Variants in RPS6KA4 observed in about 807,000 individuals in gnomAD.
RPS6KA4 encodes ribosomal protein S6 kinase alpha-4.
RPS6KA4 carries 38 observed loss-of-function variants against 89.6 expected under a neutral mutation model. That is an observed-to-expected ratio of 0.42 (90% CI 0.33 to 0.56). The LOEUF is 0.56. Ranked by LOEUF, RPS6KA4 falls within the 20% of genes least tolerant of loss-of-function variation. The pLI, the probability that RPS6KA4 is intolerant of heterozygous loss-of-function variation, is 0.07. For synonymous variants in RPS6KA4, 495 were observed against 492.8 expected (o/e 1.00, Z -0.06); for missense variants, 873 against 1,098.8 (o/e 0.79, Z 2.90).
chr11:64,359,584 C>T (rs2135323167), intron 2 of RPS6KA4, 135 bp downstream of exon 2: 3 of 863,430 alleles, frequency 3.5e-6, no homozygotes, highest in Non-Finnish European at 1.8e-6. Context: ...TTGCCTGCCC[C>T]GCCCTGCCTC....
In RPS6KA4 at chr11:64,370,512, G is replaced by A. The variant is rs1480639409; in HGVS notation, c.1958-51G>A. The A allele has an allele frequency of 6.3e-7, 1 of 1,594,218 alleles. No homozygotes were observed. The highest frequency in any genetic ancestry group is 2.3e-5 in the East Asian group (1 of 44,310). On this transcript the variant is annotated intron_variant, in intron 15 of 16. Coordinates refer to ENST00000334205, the MANE Select transcript of RPS6KA4 (RefSeq NM_003942.3). The surrounding 1 kb of genome is among the most constrained non-coding windows in gnomAD (Gnocchi z 4.1). The stretch of plus-strand genomic sequence containing the variant: ...GTGGGGCTGTTACGATCTCTTTGGG[G>A]CTCAGCCTTTACGCCAGGCTCCTCC...
At chr11:64,368,833 A>C in intron 12 of RPS6KA4, 36 bp downstream of exon 12, 5 of 1,029,316 alleles carry the variant, frequency 4.9e-6, no homozygotes, top group Non-Finnish European at 6.6e-6. Flanking sequence ...CGGAGAGAAA[A>C]GGGGCAGGCG....
In RPS6KA4 at chr11:64,371,251, G is replaced by A. The variant is rs755879028; in HGVS notation, c.2122-32G>A. On this transcript the variant is annotated intron_variant, in intron 16 of 16. Coordinates refer to ENST00000334205, the MANE Select transcript of RPS6KA4 (RefSeq NM_003942.3). The stretch of plus-strand genomic sequence containing the variant: ...GATCTGGAAGCCGGGGTCAGGCGGG[G>A]GTGGGGGCACTCACCCTTTCCTTTC... 122 of 1,604,734 alleles carry A rather than the reference G, an allele frequency of 7.6e-5. No homozygotes were observed. The Admixed American group carries it at 2.0e-3, about 27-fold the overall frequency.
In RPS6KA4 at chr11:64,371,390, G is replaced by A. The variant is rs748240932; in HGVS notation, c.2229G>A (p.Arg743=). 3 of 1,611,812 alleles carry A rather than the reference G, an allele frequency of 1.9e-6. No homozygotes were observed. The highest frequency in any genetic ancestry group is 2.7e-5 in the African/African-American group (2 of 74,920). The part of the protein sequence containing the change: ...QKLRSATASR[R]GSPAPANPGR... ...TGCGGAGCGCCACCGCCTCCCGCCG[G>A]GGCTCCCCTGCACCAGCCAACCCGG... Residue 743 remains arginine (R), a synonymous_variant, in exon 17 of 17, where the codon CGG becomes CGA. Coordinates refer to ENST00000334205, the MANE Select transcript of RPS6KA4 (RefSeq NM_003942.3).
chr11:64,366,169 A>AT (rs58025633), intron 9 of RPS6KA4, among the ~76,000 whole-genome samples: 5 of 127,230 alleles, frequency 3.9e-5, no homozygotes, highest in African/African-American at 1.6e-4. Context: ...CCTCCACCGA[A>AT]TTTTTTTTTT....
chr11:64,368,845 C>T, intron 12 of RPS6KA4, 48 bp downstream of exon 12: 3 of 553,534 alleles, frequency 5.4e-6, no homozygotes, highest in Non-Finnish European at 8.8e-6. Flanking sequence ...GGGCAGGCGG[C>T]GGGGCTTGGG....
chr11:64,370,733 G>A lies in RPS6KA4; in HGVS notation c.2121+7G>A, dbSNP rs2037042910. On this transcript the variant is annotated splice_region_variant and intron_variant, in intron 16 of 16. Transcript: ENST00000334205. This position sits in a 1 kb window ranked among gnomAD's most constrained non-coding sequence, Gnocchi z 4.1. ...TCTCAACGCCACCTTCATGGTAAGG[G>A]GCAGGGTCTGTTGAAGGGAAGGGGT... The A allele has an allele frequency of 1.3e-6, 2 of 1,535,110 alleles. No homozygotes were observed. The highest frequency in any genetic ancestry group is 1.8e-6 in the Non-Finnish European group (2 of 1,142,132).
rs771264406 is a variant in RPS6KA4 at position 64,365,306 on chromosome 11, C to G, written c.912C>G (p.Leu304=). Residue 304 remains leucine, a synonymous_variant, in exon 9 of 17, where the codon CTC becomes CTG. Transcript: ENST00000334205. The part of the protein sequence containing the change: ...EVRNHPFFQG[L]DWVALAARKI... ...CTCTGATTCCCTTCCCTCAGGGCCT[C>G]GATTGGGTGGCTCTGGCTGCCAGGA... The G allele has an allele frequency of 4.3e-6, 7 of 1,612,898 alleles. 1 individual carries two copies. In the South Asian group the frequency reaches 6.6e-5, roughly 15 times the overall value.
chr11:64,370,190 C>A lies in RPS6KA4; in HGVS notation c.1798-35C>A. On this transcript the variant is annotated intron_variant, in intron 14 of 16. Coordinates refer to ENST00000334205, the MANE Select transcript of RPS6KA4 (RefSeq NM_003942.3). The surrounding 1 kb of genome is among the most constrained non-coding windows in gnomAD (Gnocchi z 4.1). Reference sequence around the variant, plus strand: ...GGAGGGGTCAGCCTCGGCACCCCAGCCTGGGCCGGCCTCACCTTCCCCTCA... The same window carrying A: ...GGAGGGGTCAGCCTCGGCACCCCAGACTGGGCCGGCCTCACCTTCCCCTCA... The A allele has an allele frequency of 6.6e-7, 1 of 1,511,380 alleles. No homozygotes were observed. The highest frequency in any genetic ancestry group is 8.8e-7 in the Non-Finnish European group (1 of 1,134,082). 93.6% of individuals were successfully genotyped at this position (1,511,380 alleles called of 1,614,324 possible). A position where few individuals can be genotyped will look rare whatever the true frequency, so the allele number is the denominator to read the frequency against.
In RPS6KA4 at chr11:64,360,543, T is replaced by C. The variant is rs1166193347; in HGVS notation, c.413T>C (p.Val138Ala). Residue 138 changes from valine to alanine, a missense_variant, in exon 4 of 17, where the codon GTG becomes GCG. Physicochemically the swap from Val to Ala is moderately conservative, Grantham distance 64. Coordinates refer to ENST00000334205, the MANE Select transcript of RPS6KA4 (RefSeq NM_003942.3). ...CGCCAGTACTTCAAGGAGGCTGAGGTGCGCGTGTATGGGGGTGAGATCGTG... is the reference window on the plus strand; with the variant it reads ...CGCCAGTACTTCAAGGAGGCTGAGGCGCGCGTGTATGGGGGTGAGATCGTG... ...YQRQYFKEAE[V>A]RVYGGEIVLA... is the part of the protein sequence containing the mutation. 3 of 1,612,118 alleles carry C rather than the reference T, an allele frequency of 1.9e-6. No individual in the cohort carries two copies. In the Admixed American group the frequency reaches 5.0e-5, roughly 27 times the overall value.
At chr11:64,368,061 C>G in intron 9 of RPS6KA4, 71 bp from the exon 10 acceptor site, 1 of 1,546,828 alleles carries the variant, frequency 6.5e-7, no homozygotes, top group Non-Finnish European at 8.8e-7. Context: ...GCCTGGTTCC[C>G]CACCAGAGTC....
chr11:64,363,364 G>A (rs573480899), intron 8 of RPS6KA4, among the ~76,000 whole-genome samples: 7 of 152,136 alleles, frequency 4.6e-5, no homozygotes, highest in African/African-American at 1.4e-4. Flanking sequence ...AGTGAATTCC[G>A]TAAGCCCACC....
chr11:64,360,825 C>G (rs550020917), intron 4 of RPS6KA4, among the ~76,000 whole-genome samples: 4 of 152,266 alleles, frequency 2.6e-5, no homozygotes, highest in African/African-American at 9.6e-5. Context: ...TTTCAGGGAA[C>G]TCGGGGCTGC....
At chr11:64,360,930 C>A in intron 4 of RPS6KA4, 1 of 580,436 alleles carries the variant, frequency 1.7e-6, no homozygotes, top group South Asian at 2.2e-5. Context: ...CTCTCTGGGA[C>A]CTTGGGGCCT....
chr11:64,367,808 A>C (rs2036925118), intron 9 of RPS6KA4, among the ~76,000 whole-genome samples: 1 of 152,178 alleles, frequency 6.6e-6, no homozygotes, highest in Non-Finnish European at 1.5e-5. Flanking sequence ...TCATAAGCTA[A>C]GCGTGAACTC....
rs2037040867 is a variant in RPS6KA4 at position 64,370,684 on chromosome 11, C to T, written c.2079C>T (p.Ser693=). Residue 693 remains serine, a synonymous_variant, in exon 16 of 17, where the codon TCC becomes TCT. Transcript: ENST00000334205. The surrounding 1 kb of genome is among the most constrained non-coding windows in gnomAD (Gnocchi z 4.1). The stretch of plus-strand genomic sequence containing the variant: ...TCCGGACGCCCGACGTGCTCGAGTC[C>T]TCTGGGCCCGCAGTGCGCTCGGGTC... The part of the protein sequence containing the change: ...PPLRTPDVLE[S]SGPAVRSGLN... 4.5e-6 allele frequency: 7 copies of T among 1,571,814 alleles called. No individual in the cohort carries two copies. Among genetic ancestry groups the T allele is most frequent in the Middle Eastern group, 1.8e-4 (1 of 5,530 alleles).
chr11:64,367,921 G>A (rs932536931), intron 9 of RPS6KA4, among the ~76,000 whole-genome samples: 3 of 152,184 alleles, frequency 2.0e-5, no homozygotes, highest in Non-Finnish European at 4.4e-5. Context: ...GGGGTCACAG[G>A]CTGGTGGGGA....
chr11:64,370,106 C>A lies in RPS6KA4; in HGVS notation c.1798-119C>A. 1 of 1,240,334 alleles carries A rather than the reference C, an allele frequency of 8.1e-7. No homozygotes were observed. Among genetic ancestry groups the A allele is most frequent in the Non-Finnish European group, 1.1e-6 (1 of 912,304 alleles). The allele number at this position is 1,240,334 out of a possible 1,614,324, so 76.8% of individuals were successfully genotyped here. Reference sequence around the variant, plus strand: ...GTATTGGGGGTTAGAAGTCAGGGTTCACCACGCGTGGGTCTCAGGAGTGCC... The same window carrying A: ...GTATTGGGGGTTAGAAGTCAGGGTTAACCACGCGTGGGTCTCAGGAGTGCC... On this transcript the variant is annotated intron_variant, in intron 14 of 16. Coordinates refer to ENST00000334205, the MANE Select transcript of RPS6KA4 (RefSeq NM_003942.3). This position sits in a 1 kb window ranked among gnomAD's most constrained non-coding sequence, Gnocchi z 4.1.
chr11:64,366,235 A>G (rs1201318202), intron 9 of RPS6KA4, among the ~76,000 whole-genome samples: 2 of 147,750 alleles, frequency 1.4e-5, no homozygotes, highest in Non-Finnish European at 3.0e-5. Flanking sequence ...CAGTGGCTAG[A>G]TCTTGGCTCA....
Sources: gnomAD v4.1 joint callset for allele counts (sites outside exome capture counted in the v4.1 genomes callset) on GRCh38, gnomAD v4.1.1 for gene constraint, Gnocchi (gnomAD v3.1) non-coding constraint, MANE v1.5 for transcripts, NCBI Gene and HGNC (gene_info 2026-07-23, HGNC 2026-07-21) for gene names.